Variants in CIT observed in about 807,000 individuals in gnomAD.
CIT encodes citron Rho-interacting kinase.
A neutral mutation model predicts 272.7 loss-of-function variants in CIT; 79 were observed. That is an observed-to-expected ratio of 0.29 (90% CI 0.24 to 0.35). The LOEUF is 0.35. Among genes scored for constraint, CIT ranks in the 10% least tolerant of loss-of-function variants. CIT has a pLI of 1.00. For synonymous variants in CIT, 948 were observed against 995.6 expected, an observed-to-expected ratio of 0.95 and a Z score of 0.90; for missense variants, 1,909 against 2,618.3, an observed-to-expected ratio of 0.73 and a Z score of 5.91.
At chr12:119,752,631 T>C (rs1231768107) in intron 22 of CIT, among the ~76,000 whole-genome samples, 3 of 152,242 alleles carry the variant, frequency 2.0e-5, no homozygotes, top group Non-Finnish European at 4.4e-5. Context: ...AGGACATCTT[T>C]TCAATTCGAT....
At chr12:119,802,483 A>G (rs2137870768) in intron 10 of CIT, among the ~76,000 whole-genome samples, 1 of 152,264 alleles carries the variant, frequency 6.6e-6, no homozygotes, top group East Asian at 1.9e-4. Context: ...TTACAGTGAT[A>G]TTTATATTTC....
At chr12:119,850,335 T>A in intron 4 of CIT, 60 bp from the exon 5 acceptor site, 6 of 1,058,552 alleles carry the variant, frequency 5.7e-6, no homozygotes, top group East Asian at 2.4e-5. Flanking sequence ...AAAAGAAGCC[T>A]TTTCCTCTGT....
chr12:119,850,375 TA>T (rs34256172), intron 4 of CIT, 100 bp from the exon 5 acceptor site: 5,294 of 279,574 alleles, frequency 0.019, no homozygotes, highest in Non-Finnish European at 0.025. Flanking sequence ...TTTCTAGCTT[TA>T]AAAAAAAAAA....
intron 20 of CIT, among the ~76,000 whole-genome samples, chr12:119,759,409 G>A (rs1283549650): frequency 6.6e-6 from 1 of 152,230 alleles, no homozygotes; most frequent in Non-Finnish European, 1.5e-5. Context: ...ACTTTGGGAG[G>A]CCAAGGCAGG....
chr12:119,810,164 G>A (rs1966816635), intron 9 of CIT, among the ~76,000 whole-genome samples: 1 of 152,208 alleles, frequency 6.6e-6, no homozygotes, highest in Non-Finnish European at 1.5e-5. Context: ...ACTTGCAACT[G>A]GTGCCTGAAG....
chr12:119,706,190 G>A (rs1038269767), intron 40 of CIT, among the ~76,000 whole-genome samples: 6 of 152,064 alleles, frequency 3.9e-5, no homozygotes, highest in African/African-American at 1.2e-4. Context: ...ACAGCAGAAC[G>A]CCAGTAGCCT....
rs1348848136 is a variant in CIT at position 119,686,662 on chromosome 12, C to A, written c.*1570G>T. On this transcript the variant is annotated 3_prime_UTR_variant, in exon 48 of 48. Coordinates refer to ENST00000392521, the MANE Select transcript of CIT (RefSeq NM_001206999.2). ...CTAGGAGGTGCCTGGGTTGTTGAGGCGGGCCTAAGAGTCGTGGAGGACCCA... is the reference window on the plus strand; with the variant it reads ...CTAGGAGGTGCCTGGGTTGTTGAGGAGGGCCTAAGAGTCGTGGAGGACCCA... 1 of 152,412 alleles carries A rather than the reference C, an allele frequency of 6.6e-6. No individual in the cohort carries two copies. Among genetic ancestry groups the A allele is most frequent in the Non-Finnish European group, 1.5e-5 (1 of 68,092 alleles). The allele number at this position is 152,412 out of a possible 1,614,324, so 9.4% of individuals were successfully genotyped here. A position where few individuals can be genotyped will look rare whatever the true frequency, so the allele number is the denominator to read the frequency against.
At chr12:119,838,732 T>C (rs996416389) in intron 5 of CIT, among the ~76,000 whole-genome samples, 1 of 152,216 alleles carries the variant, frequency 6.6e-6, no homozygotes, top group Non-Finnish European at 1.5e-5. Context: ...CCTTTCTGCA[T>C]ATCAAGACAA....
At chr12:119,815,711 A>T (rs1967120200) in intron 9 of CIT, among the ~76,000 whole-genome samples, 1 of 152,142 alleles carries the variant, frequency 6.6e-6, no homozygotes, top group African/African-American at 2.4e-5. Context: ...CATCTCAAAA[A>T]AAAAAAAATT....
At chr12:119,832,646 C>G in intron 7 of CIT, 125 bp downstream of exon 7, 2 of 715,108 alleles carry the variant, frequency 2.8e-6, no homozygotes, top group Non-Finnish European at 4.8e-6. Flanking sequence ...CTGTCCCCAC[C>G]CCCATACACT....
chr12:119,707,016 G>A (rs1233000283), intron 40 of CIT, among the ~76,000 whole-genome samples: 2 of 151,894 alleles, frequency 1.3e-5, no homozygotes, highest in Non-Finnish European at 2.9e-5. Flanking sequence ...CAATATGCCA[G>A]AAGCTACAAA....
Position 119,845,906 on chromosome 12 carries a change from A to G in CIT, c.516+4268T>C, listed in dbSNP as rs528158908. On this transcript the variant is annotated intron_variant, in intron 5 of 47. Coordinates refer to ENST00000392521, the MANE Select transcript of CIT (RefSeq NM_001206999.2). ...CAGTGAGCCGAGAACACGCCACTGC[A>G]CTACAGCCTGGGCAACACGGCAAGA... Among the ~76,000 whole-genome samples, 5 of 150,186 alleles carry G rather than the reference A, an allele frequency of 3.3e-5. No homozygotes were observed. The South Asian group carries it at 1.1e-3, about 32-fold the overall frequency.
At chr12:119,819,201 G>A (rs1396520542) in intron 9 of CIT, among the ~76,000 whole-genome samples, 1 of 152,178 alleles carries the variant, frequency 6.6e-6, no homozygotes, top group Non-Finnish European at 1.5e-5. Flanking sequence ...GTGGGAGGCT[G>A]GAAATGAAAC....
rs754502292 is a variant in CIT at position 119,700,870 on chromosome 12, A to T, written c.5543-45T>A. On this transcript the variant is annotated intron_variant, in intron 43 of 47. Transcript: ENST00000392521. ...CGTGGGCATTAGCACAGCCAAGAGC[A>T]GGGGCATCAGCGACACACATGGTGA... 37 of 1,486,410 alleles carry T rather than the reference A, an allele frequency of 2.5e-5. No individual in the cohort carries two copies. The South Asian group carries it at 3.5e-4, about 14-fold the overall frequency. 92.1% of individuals were successfully genotyped at this position (1,486,410 alleles called of 1,614,324 possible).
intron 10 of CIT, among the ~76,000 whole-genome samples, chr12:119,802,700 A>G (rs1407181246): frequency 6.6e-6 from 1 of 152,174 alleles, no homozygotes; most frequent in Admixed American, 6.5e-5. Context: ...TCTCTCTGTT[A>G]GAGCTCTGGT....
Position 119,842,048 on chromosome 12 carries a change from A to T in CIT, c.517-7820T>A, listed in dbSNP as rs1311053254. ...TCAATTGCAGGCTCAGAGCAAGGGT[A>T]ATCTGAAGAAAACCACAGTAGGAAA... On this transcript the variant is annotated intron_variant, in intron 5 of 47. Transcript: ENST00000392521. Among the ~76,000 whole-genome samples, 4 of 152,308 alleles carry T rather than the reference A, an allele frequency of 2.6e-5. No individual in the cohort carries two copies. In the East Asian group the frequency reaches 7.7e-4, roughly 29 times the overall value.
chr12:119,773,974 TAAG>T (rs1360353573), intron 16 of CIT, among the ~76,000 whole-genome samples: 2 of 152,108 alleles, frequency 1.3e-5, no homozygotes, highest in Non-Finnish European at 2.9e-5. Flanking sequence ...GATTCCACCT[TAAG>T]AAGGAAGGAA....
chr12:119,804,327 T>C lies in CIT; in HGVS notation c.1112-938A>G, dbSNP rs1227172066. The C allele has an allele frequency of 2.0e-6, 2 of 985,412 alleles. No individual in the cohort carries two copies. Among genetic ancestry groups the C allele is most frequent in the Admixed American group, 1.2e-4 (2 of 16,274 alleles). 61.0% of individuals were successfully genotyped at this position (985,412 alleles called of 1,614,324 possible). On this transcript the variant is annotated intron_variant, in intron 9 of 47. Transcript: ENST00000392521. The surrounding 1 kb of genome is among the most constrained non-coding windows in gnomAD (Gnocchi z 5.3). Reference sequence around the variant, plus strand: ...GTGTCCCCCGCCAGAAACGTTACCATGGTTGCAAGCTGAGGCGTCCGTGGC... The same window carrying C: ...GTGTCCCCCGCCAGAAACGTTACCACGGTTGCAAGCTGAGGCGTCCGTGGC...
intron 9 of CIT, among the ~76,000 whole-genome samples, chr12:119,809,411 C>T (rs1251251469): frequency 6.6e-6 from 1 of 152,138 alleles, no homozygotes; most frequent in African/African-American, 2.4e-5. Context: ...ATGGGATTAA[C>T]AGGAGACAGG....
Sources: allele counts gnomAD v4.1 joint callset (sites outside exome capture counted in the v4.1 genomes callset), GRCh38; gene constraint gnomAD v4.1.1; non-coding constraint Gnocchi (gnomAD v3.1); transcripts MANE v1.5; gene names NCBI Gene and HGNC (gene_info 2026-07-23, HGNC 2026-07-21).